GOLGA3: variants seen among roughly 807,000 people sequenced by gnomAD.
The protein encoded by GOLGA3 is golgin subfamily A member 3.
Under a neutral mutation model 169.4 loss-of-function variants are expected in GOLGA3, and 75 were observed. The observed-to-expected ratio is 0.44, with a 90% CI of 0.37 to 0.54. The LOEUF (loss-of-function observed/expected upper bound fraction) is 0.54, where lower values mean the gene tolerates loss of function less well. Ranked by LOEUF, GOLGA3 falls within the 20% of genes least tolerant of loss-of-function variation. The probability of loss-of-function intolerance (pLI) is 0.00; values close to 1 mark genes in which losing one functional copy is unlikely to be tolerated. For missense variants in GOLGA3, 1,899 were observed against 1,930.0 expected (o/e 0.98, Z 0.30); for synonymous variants, 824 against 822.4 (o/e 1.00, Z -0.03).
intron 14 of GOLGA3, 33 bp from the exon 15 acceptor site, chr12:132,786,588 C>G (rs2045912010): frequency 4.4e-6 from 7 of 1,606,288 alleles, no homozygotes; most frequent in Admixed American, 3.3e-5. Context: ...CAGGAGGAAG[C>G]TGAATTATCC....
intron 3 of GOLGA3, 43 bp downstream of exon 3, chr12:132,816,497 C>T (rs757605643): frequency 1.1e-5 from 18 of 1,592,370 alleles, no homozygotes; most frequent in Admixed American, 3.4e-5. Flanking sequence ...GGCTGAGCGA[C>T]GCGGACGTGG....
At chr12:132,812,372 C>G (rs966602463) in intron 4 of GOLGA3, among the ~76,000 whole-genome samples, 1 of 152,146 alleles carries the variant, frequency 6.6e-6, no homozygotes, top group African/African-American at 2.4e-5. Context: ...TTTTGACTTT[C>G]AAGTCTTATT....
In GOLGA3 at chr12:132,795,928, C is replaced by T. The variant is rs766892437; in HGVS notation, c.2393G>A (p.Arg798His). The change falls in exon 11 of 24, where the codon CGC (arginine) becomes CAC (histidine). Residue 798 changes from arginine (R) to histidine (H), a missense_variant. Arg to His is a conservative substitution (Grantham distance 29). Transcript: ENST00000450791. ...CGTTTCCTCGGTACCTTCTTCCAAGCGTCTTGCTCCTCTGTCAAGCTCCTC... is the reference window on the plus strand; with the variant it reads ...CGTTTCCTCGGTACCTTCTTCCAAGTGTCTTGCTCCTCTGTCAAGCTCCTC... ...GKEELDRGAR[R>H]LEEGTEETSE... 2.5e-6 allele frequency: 4 copies of T among 1,614,130 alleles called. No homozygotes were observed. Among genetic ancestry groups the T allele is most frequent in the African/African-American group, 1.3e-5 (1 of 75,066 alleles).
intron 1 of GOLGA3, among the ~76,000 whole-genome samples, chr12:132,824,169 CCTGT>C (rs1457465167): frequency 1.3e-5 from 2 of 152,182 alleles, no homozygotes; most frequent in Non-Finnish European, 2.9e-5. Flanking sequence ...GCAGGACGTG[CCTGT>C]CTTTCTAGGG....
Position 132,780,826 on chromosome 12 carries a change from T to G in GOLGA3, c.3554A>C (p.Lys1185Thr). Residue 1185 changes from lysine to threonine, a missense_variant, in exon 18 of 24, where the codon AAG becomes ACG. Lys to Thr is a moderately conservative substitution (Grantham distance 78). Coordinates refer to ENST00000450791, the MANE Select transcript of GOLGA3 (RefSeq NM_001389683.1). ...QALQASLEKE[K>T]EKVNSLKEQV... ...CTCCTTGAGGCTGTTCACCTTCTCC[T>G]TCTCCTTCTCTAGTGAGGCCTGCAG... 6.2e-7 allele frequency: 1 copy of G among 1,610,914 alleles called. No homozygotes were observed. Among genetic ancestry groups the G allele is most frequent in the South Asian group, 1.1e-5 (1 of 91,068 alleles).
Position 132,804,746 on chromosome 12 carries a change from G to T in GOLGA3, c.1567C>A (p.Gln523Lys). Reference sequence around the variant, plus strand: ...TTGTCCTTGCTGAGCATGCTCCTCTGCATGTCCTCTACCTTGGCCATAAGC... The same window carrying T: ...TTGTCCTTGCTGAGCATGCTCCTCTTCATGTCCTCTACCTTGGCCATAAGC... The part of the protein sequence containing the change: ...QRLMAKVEDM[Q>K]RSMLSKDNTV... Residue 523 changes from glutamine to lysine, a missense_variant, in exon 7 of 24, where the codon CAG (glutamine) becomes AAG (lysine). Physicochemically the swap from Gln to Lys is moderately conservative, Grantham distance 53 (BLOSUM62 1). Transcript: ENST00000450791. This position sits in a 1 kb window ranked among gnomAD's most constrained non-coding sequence, Gnocchi z 4.1. 2 of 1,614,074 alleles carry T rather than the reference G, an allele frequency of 1.2e-6. No homozygotes were observed. Among genetic ancestry groups the T allele is most frequent in the Non-Finnish European group, 8.5e-7 (1 of 1,179,936 alleles).
chr12:132,781,177 G>C (rs1321892511), intron 17 of GOLGA3, among the ~76,000 whole-genome samples: 10 of 152,278 alleles, frequency 6.6e-5, no homozygotes, highest in Admixed American at 3.3e-4. Context: ...AGCCCAGGAG[G>C]TTGAGGATGC....
At position 132,816,391 on chromosome 12, in the gene GOLGA3, T is replaced by TA. The variant is rs1423938304; in HGVS notation, c.406+148dup. ...CTCTCTAACTTGAAGCTCTCCTTGC[T>TA]AAACTCACAGCCCCACGTGGGACTC... is the stretch of plus-strand genomic sequence containing the variant. On this transcript the variant is annotated intron_variant, in intron 3 of 23. Coordinates refer to ENST00000450791, the MANE Select transcript of GOLGA3 (RefSeq NM_001389683.1). 15 of 735,692 alleles carry TA rather than the reference T, an allele frequency of 2.0e-5. No individual in the cohort carries two copies. The East Asian group carries it at 3.9e-4, about 19-fold the overall frequency. The allele number at this position is 735,692 out of a possible 1,614,324, so 45.6% of individuals were successfully genotyped here. A position where few individuals can be genotyped will look rare whatever the true frequency, so the allele number is the denominator to read the frequency against.
intron 13 of GOLGA3, among the ~76,000 whole-genome samples, chr12:132,788,506 T>A (rs907973461): frequency 6.6e-6 from 1 of 151,934 alleles, no homozygotes; most frequent in Admixed American, 6.6e-5. Context: ...GTCACCAGCA[T>A]CTCGGACACC....
intron 15 of GOLGA3, among the ~76,000 whole-genome samples, chr12:132,786,092 A>T (rs1414163139): frequency 6.6e-6 from 1 of 152,076 alleles, no homozygotes; most frequent in Admixed American, 6.5e-5. Flanking sequence ...AGCCAAGGAG[A>T]TTTCTTGAGG....
chr12:132,779,946 C>T (rs144387229), intron 18 of GOLGA3, among the ~76,000 whole-genome samples: 9 of 127,372 alleles, frequency 7.1e-5, no homozygotes, highest in Non-Finnish European at 9.6e-5. Flanking sequence ...GGCACACACG[C>T]GTATACAGAC....
chr12:132,803,617 G>A (rs576461817), intron 7 of GOLGA3, among the ~76,000 whole-genome samples: 1 of 152,338 alleles, frequency 6.6e-6, no homozygotes, highest in South Asian at 2.1e-4. Flanking sequence ...ATCACGAAAT[G>A]CTCAAGGACT....
Position 132,798,469 on chromosome 12 carries a change from C to A in GOLGA3, c.1809G>T (p.Gln603His), listed in dbSNP as rs756672389. ...GCTCCAGGAGACCTGCCTGGGTCAT[C>A]TGTCCAACCTTAAAAAAAAAACCCA... ...QGEMAHIQVG[Q>H]MTQAGLLEHL... The change falls in exon 9 of 24, where the codon CAG becomes CAT. Residue 603 changes from glutamine to histidine, a missense_variant. By Grantham distance (24) the Gln-to-His change is conservative. Coordinates refer to ENST00000450791, the MANE Select transcript of GOLGA3 (RefSeq NM_001389683.1). The A allele has an allele frequency of 1.9e-6, 3 of 1,588,182 alleles. No individual in the cohort carries two copies. The highest frequency in any genetic ancestry group is 2.3e-5 in the South Asian group (2 of 86,000).
At chr12:132,780,506 T>C (rs1342627044) in intron 18 of GOLGA3, among the ~76,000 whole-genome samples, 1 of 152,186 alleles carries the variant, frequency 6.6e-6, no homozygotes, top group African/African-American at 2.4e-5. Context: ...TATTCTCAAG[T>C]TTGCTTTTGC....
At position 132,795,888 on chromosome 12, in the gene GOLGA3, C is replaced by G. The variant is rs558509378; in HGVS notation, c.2433G>C (p.Glu811Asp). The G allele has an allele frequency of 9.3e-6, 15 of 1,614,124 alleles. No individual in the cohort carries two copies. In the East Asian group the frequency reaches 2.9e-4, roughly 31 times the overall value. ...TGATAGCTAATTCTTCTCTTAACTTCTCTAAAGTTTCCGACGTTTCCTCGG... is the reference window on the plus strand; with the variant it reads ...TGATAGCTAATTCTTCTCTTAACTTGTCTAAAGTTTCCGACGTTTCCTCGG... ...EGTEETSETLEKLREELAIKS... is the reference protein window; with the variant it reads ...EGTEETSETLDKLREELAIKS... Residue 811 changes from glutamate (E) to aspartate (D), a missense_variant, in exon 11 of 24, where the codon GAG becomes GAC. Glu to Asp is a conservative substitution (Grantham distance 45). Transcript: ENST00000450791.
Position 132,774,209 on chromosome 12 carries a change from C to T in GOLGA3, c.4255G>A (p.Ala1419Thr), listed in dbSNP as rs144728200. The stretch of plus-strand genomic sequence containing the variant: ...TTCTTGAGGGGCTCCTTGCTCACGG[C>T]GGGCGGTGGTCTCAGCAGCTCCTCC... ...LLEELLRPPPAVSKEPLKNLN... is the reference protein window; with the variant it reads ...LLEELLRPPPTVSKEPLKNLN... The change falls in exon 23 of 24, where the codon GCC becomes ACC. Residue 1419 changes from alanine to threonine, a missense_variant. Ala to Thr is a moderately conservative substitution (Grantham distance 58). Coordinates refer to ENST00000450791, the MANE Select transcript of GOLGA3 (RefSeq NM_001389683.1). The T allele has an allele frequency of 7.5e-6, 12 of 1,609,618 alleles. No homozygotes were observed. The highest frequency in any genetic ancestry group is 4.0e-5 in the African/African-American group (3 of 74,900).
chr12:132,776,913 AC>A, intron 20 of GOLGA3, 44 bp downstream of exon 20: 3 of 1,548,960 alleles, frequency 1.9e-6, no homozygotes, highest in Non-Finnish European at 2.6e-6. Flanking sequence ...CACCCAGGGC[AC>A]CCGTGAGTCC....
At chr12:132,823,787 T>TAA (rs55689193) in intron 1 of GOLGA3, among the ~76,000 whole-genome samples, 11 of 129,918 alleles carry the variant, frequency 8.5e-5, no homozygotes, top group South Asian at 5.0e-4. Context: ...AAACTCCGTC[T>TAA]AAAAAAAAAA....
intron 8 of GOLGA3, among the ~76,000 whole-genome samples, chr12:132,801,495 C>T (rs1285371088): frequency 1.3e-5 from 2 of 152,146 alleles, no homozygotes; most frequent in Non-Finnish European, 2.9e-5. Context: ...GATTCACCGG[C>T]ATGTGTCACC....
Sources: allele counts gnomAD v4.1 joint callset (sites outside exome capture counted in the v4.1 genomes callset), GRCh38; gene constraint gnomAD v4.1.1; non-coding constraint Gnocchi (gnomAD v3.1); transcripts MANE v1.5; gene names NCBI Gene and HGNC (gene_info 2026-07-23, HGNC 2026-07-21).